PDE6D: variants seen among roughly 807,000 people sequenced by gnomAD.
PDE6D encodes phosphodiesterase 6D.
In PDE6D, 10 loss-of-function variants were observed where a neutral mutation model predicts 21.9. The ratio of observed to expected loss-of-function variants is 0.46; its 90% CI spans 0.28 to 0.78. The LOEUF is 0.78. Ranked by LOEUF, PDE6D falls within the 30% of genes least tolerant of loss-of-function variation. The pLI, the probability that PDE6D is intolerant of heterozygous loss-of-function variation, is 0.12. For synonymous variants in PDE6D, 59 were observed against 63.5 expected, an observed-to-expected ratio of 0.93 and a Z score of 0.34; for missense variants, 139 against 184.8, an observed-to-expected ratio of 0.75 and a Z score of 1.44.
chr2:231,771,491 G>A (rs1056256539), intron 1 of PDE6D, among the ~76,000 whole-genome samples: 1 of 152,164 alleles, frequency 6.6e-6, no homozygotes, highest in African/African-American at 2.4e-5. Flanking sequence ...TGATAATGCA[G>A]TAATATATCA....
At position 231,732,811 on chromosome 2, in the gene PDE6D, C is replaced by A; in HGVS notation, c.*141G>T. 1 of 655,412 alleles carries A rather than the reference C, an allele frequency of 1.5e-6. No individual in the cohort carries two copies. Among genetic ancestry groups the A allele is most frequent in the East Asian group, 2.6e-5 (1 of 39,142 alleles). The allele number at this position is 655,412 out of a possible 1,614,324, so 40.6% of individuals were successfully genotyped here. ...CTGGTTACCTACACAGAGCTGGTCC[C>A]CTGGTGGCTGCAGGTAGGTTCTGCT... On this transcript the variant is annotated 3_prime_UTR_variant, in exon 5 of 5. Transcript: ENST00000287600.
intron 3 of PDE6D, chr2:231,737,587 G>A: frequency 3.0e-6 from 1 of 336,582 alleles, no homozygotes; most frequent in Non-Finnish European, 5.4e-6. Flanking sequence ...ACTATATATA[G>A]ATACATAGTT....
At chr2:231,740,735 A>G (rs1347106601) in intron 1 of PDE6D, among the ~76,000 whole-genome samples, 1 of 151,700 alleles carries the variant, frequency 6.6e-6, no homozygotes, top group African/African-American at 2.4e-5. Context: ...TTATAGTCCA[A>G]GAATAGTCCA....
rs947460017 is a variant in PDE6D, at chr2:231,732,745, T to A, written c.*207A>T. The A allele has an allele frequency of 1.9e-6, 1 of 524,046 alleles. No individual in the cohort carries two copies. The allele number at this position is 524,046 out of a possible 1,614,324, so 32.5% of individuals were successfully genotyped here. ...CCCTGGTCTGGGGTTGGGAGTTTAG[T>A]CTGGTCAGCTGGAAGATGGTGGCTT... is the stretch of plus-strand genomic sequence containing the variant. On this transcript the variant is annotated 3_prime_UTR_variant, in exon 5 of 5. Coordinates refer to ENST00000287600, the MANE Select transcript of PDE6D (RefSeq NM_002601.4).
chr2:231,741,284 CA>C (rs1338578939), intron 1 of PDE6D, among the ~76,000 whole-genome samples: 1 of 151,992 alleles, frequency 6.6e-6, no homozygotes, highest in Admixed American at 6.6e-5. Context: ...AAATCAAATT[CA>C]AAAGGAACCC....
chr2:231,761,739 C>T (rs966898685), intron 1 of PDE6D, among the ~76,000 whole-genome samples: 2 of 152,160 alleles, frequency 1.3e-5, no homozygotes, highest in African/African-American at 2.4e-5. Flanking sequence ...ATATATGTCA[C>T]GTGCTGTGCT....
intron 1 of PDE6D, chr2:231,778,795 CAGA>C (rs2049077378): frequency 6.6e-6 from 1 of 152,106 alleles, no homozygotes; most frequent in Non-Finnish European, 1.5e-5. Flanking sequence ...TCTAGGGATC[CAGA>C]AGAATACCAA....
At position 231,739,780 on chromosome 2, in the gene PDE6D, C is replaced by A. The variant is rs191344868; in HGVS notation, c.51-592G>T. ...CTGAGTAGCTGGAATTATAGGAGCA[C>A]GTCACCAAGCCCAGCTTATTTTTGT... On this transcript the variant is annotated intron_variant, in intron 1 of 4. Coordinates refer to ENST00000287600, the MANE Select transcript of PDE6D (RefSeq NM_002601.4). The surrounding 1 kb of genome is among the most constrained non-coding windows in gnomAD (Gnocchi z 4.2). Among the ~76,000 whole-genome samples, 49 of 152,140 alleles carry A rather than the reference C, an allele frequency of 3.2e-4. 1 individual carries two copies. Among genetic ancestry groups the A allele is most frequent in the Admixed American group, 1.3e-3 (20 of 15,264 alleles).
At chr2:231,733,468 C>T (rs575904870) in intron 4 of PDE6D, among the ~76,000 whole-genome samples, 1 of 152,308 alleles carries the variant, frequency 6.6e-6, no homozygotes, top group South Asian at 2.1e-4. Flanking sequence ...GCCTGGCCCA[C>T]ATCTATTTTC....
At chr2:231,770,604 G>A (rs572824330) in intron 1 of PDE6D, among the ~76,000 whole-genome samples, 1 of 152,124 alleles carries the variant, frequency 6.6e-6, no homozygotes, top group African/African-American at 2.4e-5. Context: ...GATCACTTGA[G>A]CCCAAGAGTT....
At chr2:231,753,376 A>T (rs561263148) in intron 1 of PDE6D, among the ~76,000 whole-genome samples, 2 of 150,734 alleles carry the variant, frequency 1.3e-5, no homozygotes, top group Non-Finnish European at 3.0e-5. Context: ...TACAAAAAAA[A>T]CCCCAAAAAA....
intron 1 of PDE6D, among the ~76,000 whole-genome samples, chr2:231,764,731 G>T (rs2048956569): frequency 6.6e-6 from 1 of 152,098 alleles, no homozygotes; most frequent in African/African-American, 2.4e-5. Flanking sequence ...CTCCTATCCT[G>T]GCCACTTGTT....
intron 1 of PDE6D, among the ~76,000 whole-genome samples, chr2:231,758,125 A>G (rs2048897585): frequency 6.6e-6 from 1 of 152,124 alleles, no homozygotes; most frequent in Non-Finnish European, 1.5e-5. Context: ...CTATATATCT[A>G]CCTACCTACC....
intron 1 of PDE6D, among the ~76,000 whole-genome samples, chr2:231,753,537 C>T (rs1232738778): frequency 6.6e-6 from 1 of 151,228 alleles, no homozygotes; most frequent in Non-Finnish European, 1.5e-5. Flanking sequence ...GGCGACAGAG[C>T]AAGACCCTGT....
At chr2:231,780,473 T>TA (rs1430088264) in intron 1 of PDE6D, among the ~76,000 whole-genome samples, 5 of 152,096 alleles carry the variant, frequency 3.3e-5, no homozygotes, top group Non-Finnish European at 5.9e-5. Context: ...CTCCCCCAAC[T>TA]ACTCCAGTCC....
At position 231,768,329 on chromosome 2, in the gene PDE6D, T is replaced by A. The variant is rs115296589; in HGVS notation, c.50+12736A>T. On this transcript the variant is annotated intron_variant, in intron 1 of 4. Transcript: ENST00000287600. ...CTTTCCTTCCTCTGTTACTCCCTACTGTCATAAAGATTAAACTGGGTAACA... is the reference window on the plus strand; with the variant it reads ...CTTTCCTTCCTCTGTTACTCCCTACAGTCATAAAGATTAAACTGGGTAACA... Among the ~76,000 whole-genome samples the A allele has an allele frequency of 3.9e-3, 588 of 152,302 alleles. 3 individuals are homozygous for A. Among genetic ancestry groups the A allele is most frequent in the African/African-American group, 0.013 (549 of 41,562 alleles).
At chr2:231,743,339 G>A (rs972029068) in intron 1 of PDE6D, among the ~76,000 whole-genome samples, 3 of 149,690 alleles carry the variant, frequency 2.0e-5, no homozygotes, top group African/African-American at 7.4e-5. Flanking sequence ...CAGGAGAATC[G>A]CTTGAACAGA....
chr2:231,746,476 T>A (rs1574621680), intron 1 of PDE6D, among the ~76,000 whole-genome samples: 1 of 152,308 alleles, frequency 6.6e-6, no homozygotes, highest in African/African-American at 2.4e-5. Context: ...CCAAGATAAT[T>A]CTTCTTCCAA....
chr2:231,739,352 G>C lies in PDE6D; in HGVS notation c.51-164C>G. 1.4e-6 allele frequency: 1 copy of C among 740,716 alleles called. No individual in the cohort carries two copies. 45.9% of individuals were successfully genotyped at this position (740,716 alleles called of 1,614,324 possible). On this transcript the variant is annotated intron_variant, in intron 1 of 4. Transcript: ENST00000287600. The surrounding 1 kb of genome is among the most constrained non-coding windows in gnomAD (Gnocchi z 4.2). ...ATAAGAATGTGAGGAGAGTCAAAAAGACATCTAAAGGAAGAAGCAGAAACC... is the reference window on the plus strand; with the variant it reads ...ATAAGAATGTGAGGAGAGTCAAAAACACATCTAAAGGAAGAAGCAGAAACC...
Sources: allele counts gnomAD v4.1 joint callset (sites outside exome capture counted in the v4.1 genomes callset), GRCh38; gene constraint gnomAD v4.1.1; non-coding constraint Gnocchi (gnomAD v3.1); transcripts MANE v1.5; gene names NCBI Gene and HGNC (gene_info 2026-07-23, HGNC 2026-07-21).